Variants in RTL9 observed in about 807,000 individuals in gnomAD.
The protein encoded by RTL9 is retrotransposon Gag like 9, also known as retrotransposon Gag-like protein 9.
A neutral mutation model predicts 44.7 loss-of-function variants in RTL9; 19 were observed. The observed-to-expected ratio is 0.42, with a 90% CI of 0.30 to 0.62. The LOEUF is 0.62. Among genes scored for constraint, RTL9 ranks in the 20% least tolerant of loss-of-function variants. RTL9 has a pLI of 0.16. For synonymous variants in RTL9, 407 were observed against 398.9 expected (o/e 1.02, Z -0.24); for missense variants, 1,105 against 1,080.6 (o/e 1.02, Z -0.32).
chrX:110,422,175 C>T (rs947616370), intron 1 of RTL9, among the ~76,000 whole-genome samples: 2 of 112,663 alleles, frequency 1.8e-5, no homozygotes, highest in African/African-American at 6.5e-5. Context: ...TTTTCCCTGT[C>T]CAGGTTTCTT....
chrX:110,425,935 C>T (rs1049227445), intron 1 of RTL9, among the ~76,000 whole-genome samples: 1 of 112,266 alleles, frequency 8.9e-6, no homozygotes, highest in Non-Finnish European at 1.9e-5. Context: ...GTGTCAGCTC[C>T]TGTGCTAGGC....
chrX:110,454,277 A>G (rs1188141637), exon 1 of RTL9: 1 of 1,211,928 alleles, frequency 8.3e-7, no homozygotes, highest in East Asian at 3.0e-5. Context: ...CTTTCCTGAG[A>G]AGATCCCAGG....
At chrX:110,404,207 G>A (rs761579637) in intron 1 of RTL9, among the ~76,000 whole-genome samples, 37 of 111,759 alleles carry the variant, frequency 3.3e-4, no homozygotes, top group African/African-American at 1.2e-3. Context: ...AGGCTAAATC[G>A]TCCTTATAAT....
intron 1 of RTL9, among the ~76,000 whole-genome samples, chrX:110,428,467 T>C (rs1283214819): frequency 1.8e-5 from 2 of 111,748 alleles, no homozygotes; most frequent in African/African-American, 6.5e-5. Context: ...GCAGAACGAA[T>C]AACTGAATCA....
rs148904953 is a variant in RTL9, at chrX:110,427,986, G to C, written c.-168+8851G>C. Among the ~76,000 whole-genome samples the C allele has an allele frequency of 8.2e-4, 92 of 111,941 alleles. No individual in the cohort carries two copies. The East Asian group carries it at 0.025, about 30-fold the overall frequency. ...ACAGTTTTCCCCGCCTGTCCAGTCT[G>C]GGTTAGATGCCCCTCCTCTGTACTC... On this transcript the variant is annotated intron_variant, in intron 1 of 3. Coordinates refer to the RTL9 transcript ENST00000465301.
At chrX:110,444,280 T>C (rs1052840424) in intron 1 of RTL9, among the ~76,000 whole-genome samples, 3 of 112,784 alleles carry the variant, frequency 2.7e-5, no homozygotes, top group African/African-American at 9.7e-5. Flanking sequence ...CTGTGGATAC[T>C]TTATCTGTGT....
intron 1 of RTL9, among the ~76,000 whole-genome samples, chrX:110,364,579 T>C (rs186576162): frequency 2.1e-4 from 23 of 111,587 alleles, no homozygotes; most frequent in Non-Finnish European, 4.3e-4. Flanking sequence ...TCCAAATTAT[T>C]GCCTTATAAG....
chrX:110,360,285 A>G (rs1190115871), intron 1 of RTL9, among the ~76,000 whole-genome samples: 2 of 111,890 alleles, frequency 1.8e-5, no homozygotes, highest in Admixed American at 9.5e-5. Context: ...TTGGAAAGAA[A>G]AGTTATGGGC....
At chrX:110,386,354 T>A (rs2068455215) in intron 1 of RTL9, among the ~76,000 whole-genome samples, 1 of 110,096 alleles carries the variant, frequency 9.1e-6, no homozygotes, top group Non-Finnish European at 1.9e-5. Context: ...TATTTTATTT[T>A]TTATTTATTT....
chrX:110,369,251 G>A (rs2068320443), intron 1 of RTL9, among the ~76,000 whole-genome samples: 1 of 111,250 alleles, frequency 9.0e-6, no homozygotes, highest in Admixed American at 9.5e-5. Context: ...AGAATTGCTT[G>A]AACCCGGGGG....
At chrX:110,362,554 T>G (rs1264666249) in intron 1 of RTL9, among the ~76,000 whole-genome samples, 1 of 112,492 alleles carries the variant, frequency 8.9e-6, no homozygotes, top group Non-Finnish European at 1.9e-5. Flanking sequence ...CGACTGTTAC[T>G]CTTATGATAT....
upstream of RTL9, among the ~76,000 whole-genome samples, chrX:110,416,720 G>A (rs964274492): frequency 8.9e-6 from 1 of 112,004 alleles, no homozygotes; most frequent in Non-Finnish European, 1.9e-5. Flanking sequence ...AAAGCCATAC[G>A]CTCTGCTTCT....
chrX:110,421,665 A>G (rs2068718409), intron 1 of RTL9, among the ~76,000 whole-genome samples: 1 of 112,827 alleles, frequency 8.9e-6, no homozygotes, highest in Non-Finnish European at 1.9e-5. Flanking sequence ...TCATGTGCCA[A>G]TTTGTCTATT....
At chrX:110,452,359 C>A (rs1295595181) in exon 1 of RTL9, 25 of 1,210,129 alleles carry the variant, frequency 2.1e-5, no homozygotes, top group Non-Finnish European at 2.8e-5. Flanking sequence ...CCACTAATGA[C>A]AGCCCAAACC....
chrX:110,417,213 C>T (rs948256999), upstream of RTL9, among the ~76,000 whole-genome samples: 1 of 112,170 alleles, frequency 8.9e-6, no homozygotes, highest in African/African-American at 3.2e-5. Context: ...AGAGCCAGGC[C>T]TAGACAATGG....
At chrX:110,359,642 C>T (rs1472502608) in intron 1 of RTL9, among the ~76,000 whole-genome samples, 1 of 111,584 alleles carries the variant, frequency 9.0e-6, no homozygotes, top group Non-Finnish European at 1.9e-5. Flanking sequence ...TTAATTTATT[C>T]ATTAATATTG....
intron 1 of RTL9, among the ~76,000 whole-genome samples, chrX:110,366,698 C>T (rs2068299486): frequency 9.0e-6 from 1 of 111,545 alleles, no homozygotes; most frequent in South Asian, 3.8e-4. Context: ...GAATAACAGA[C>T]ATCCAATCGT....
intron 1 of RTL9, among the ~76,000 whole-genome samples, chrX:110,373,270 TGA>T (rs894740461): frequency 9.0e-6 from 1 of 111,703 alleles, no homozygotes; most frequent in Non-Finnish European, 1.9e-5. Context: ...TTCCTTAGGA[TGA>T]GGTGGAAATA....
chrX:110,387,857 C>CTCTTT (rs745786546), intron 1 of RTL9, among the ~76,000 whole-genome samples: 6 of 82,799 alleles, frequency 7.2e-5, no homozygotes, highest in African/African-American at 3.2e-4. Flanking sequence ...CTCCCTCTCT[C>CTCTTT]TTTTTTTTTT....
Sources: gnomAD v4.1 joint callset for allele counts (sites outside exome capture counted in the v4.1 genomes callset) on GRCh38, gnomAD v4.1.1 for gene constraint, MANE v1.5 for transcripts, NCBI Gene and HGNC (gene_info 2026-07-23, HGNC 2026-07-21) for gene names.